Variants in FARS2 observed in about 807,000 individuals in gnomAD.
The protein encoded by FARS2 is phenylalanyl-tRNA synthetase 2, mitochondrial, also known as phenylalanine--tRNA ligase, mitochondrial.
Under a neutral mutation model 46.4 loss-of-function variants are expected in FARS2, and 40 were observed. That is an observed-to-expected ratio of 0.86 (90% confidence interval 0.67 to 1.12). The LOEUF is 1.12. FARS2 is among the 50% of genes most tolerant of loss of function. The probability of loss-of-function intolerance (pLI) is 0.00; values close to 1 mark genes in which losing one functional copy is unlikely to be tolerated. For missense variants in FARS2, 513 were observed against 567.9 expected (o/e 0.90, Z 0.98); for synonymous variants, 234 against 214.9 (o/e 1.09, Z -0.78).
chr6:5,616,250 C>T (rs1405819229), intron 6 of FARS2, among the ~76,000 whole-genome samples: 1 of 152,112 alleles, frequency 6.6e-6, no homozygotes, highest in Non-Finnish European at 1.5e-5. Context: ...ATCCCTGATG[C>T]TGTGGAGTGC....
At chr6:5,746,124 G>T (rs1761620230) in intron 6 of FARS2, among the ~76,000 whole-genome samples, 1 of 152,042 alleles carries the variant, frequency 6.6e-6, no homozygotes. Flanking sequence ...AATTACTAAG[G>T]TAATCTATTT....
intron 4 of FARS2, among the ~76,000 whole-genome samples, chr6:5,540,254 A>G (rs1770539316): frequency 6.6e-6 from 1 of 152,162 alleles, no homozygotes; most frequent in East Asian, 1.9e-4. Flanking sequence ...TGTTTCTGAT[A>G]TTTCTATTTT....
At chr6:5,401,084 C>T (rs1472724200) in intron 2 of FARS2, among the ~76,000 whole-genome samples, 1 of 151,622 alleles carries the variant, frequency 6.6e-6, no homozygotes, top group East Asian at 1.9e-4. Context: ...TTGAGTCATG[C>T]TTTGTGGCCA....
At chr6:5,367,442 G>A (rs1464979288) in intron 1 of FARS2, among the ~76,000 whole-genome samples, 1 of 152,116 alleles carries the variant, frequency 6.6e-6, no homozygotes, top group East Asian at 1.9e-4. Flanking sequence ...ATCCCTGAGT[G>A]AGTTTAAAAC....
At chr6:5,610,733 A>C (rs774881482) in intron 5 of FARS2, among the ~76,000 whole-genome samples, 18 of 152,220 alleles carry the variant, frequency 1.2e-4, no homozygotes, top group Non-Finnish European at 2.5e-4. Flanking sequence ...ATAATATTGT[A>C]CGTAATCGAA....
chr6:5,412,884 C>T (rs1762016018), intron 3 of FARS2, among the ~76,000 whole-genome samples: 2 of 152,138 alleles, frequency 1.3e-5, no homozygotes, highest in Non-Finnish European at 2.9e-5. Context: ...CTGTACTCGC[C>T]TCGCCGTAGC....
At chr6:5,682,651 G>C (rs1157989733) in intron 6 of FARS2, among the ~76,000 whole-genome samples, 1 of 152,240 alleles carries the variant, frequency 6.6e-6, no homozygotes, top group Non-Finnish European at 1.5e-5. Context: ...GCACTCAATA[G>C]GTACGGAGCC....
At chr6:5,391,315 G>C (rs575315551) in intron 2 of FARS2, among the ~76,000 whole-genome samples, 6 of 152,238 alleles carry the variant, frequency 3.9e-5, no homozygotes, top group South Asian at 2.1e-4. Context: ...TAAGCCTCAG[G>C]GTTCTTAGTT....
intron 4 of FARS2, among the ~76,000 whole-genome samples, chr6:5,540,150 G>T (rs192668971): frequency 6.6e-6 from 1 of 152,288 alleles, no homozygotes; most frequent in Admixed American, 6.5e-5. Context: ...CAGCTCCCTG[G>T]CTCAGCTGGG....
At position 5,711,753 on chromosome 6, in the gene FARS2, C is replaced by T. The variant is rs115426323; in HGVS notation, c.1218-59538C>T. On this transcript the variant is annotated intron_variant, in intron 6 of 6. Coordinates refer to ENST00000274680, the MANE Select transcript of FARS2 (RefSeq NM_006567.5). ...GGGAAGTCTGAGAAGGTGTCACAGC[C>T]AAGAGAGCCTGAGGAGGCATGACAA... is the stretch of plus-strand genomic sequence containing the variant. 3.8e-3 allele frequency among the ~76,000 whole-genome samples: 585 copies of T among 152,306 alleles called. 5 individuals carry two copies. Among genetic ancestry groups the T allele is most frequent in the African/African-American group, 0.013 (540 of 41,556 alleles).
chr6:5,741,394 A>G (rs1326136353), intron 6 of FARS2, among the ~76,000 whole-genome samples: 2 of 152,082 alleles, frequency 1.3e-5, no homozygotes, highest in African/African-American at 4.8e-5. Flanking sequence ...CTGCCCTTCT[A>G]TATGTTCTTC....
chr6:5,260,718 G>T, upstream of FARS2: 1 of 1,551,440 alleles, frequency 6.4e-7, no homozygotes, highest in South Asian at 1.2e-5. Flanking sequence ...ACTTGTGCGC[G>T]ACTGGAGGCT....
chr6:5,423,446 C>A (rs1200233186), intron 3 of FARS2, among the ~76,000 whole-genome samples: 1 of 151,908 alleles, frequency 6.6e-6, no homozygotes, highest in Non-Finnish European at 1.5e-5. Flanking sequence ...GTAGAGGAGT[C>A]CCAGGGGAAC....
At chr6:5,302,189 A>G (rs1768365521) in intron 1 of FARS2, among the ~76,000 whole-genome samples, 2 of 152,312 alleles carry the variant, frequency 1.3e-5, no homozygotes, top group South Asian at 2.1e-4. Flanking sequence ...CTCAGGCGCC[A>G]TCCAAACCTG....
At chr6:5,648,364 A>C (rs1777179570) in intron 6 of FARS2, among the ~76,000 whole-genome samples, 1 of 152,208 alleles carries the variant, frequency 6.6e-6, no homozygotes, top group African/African-American at 2.4e-5. Flanking sequence ...GGGTCCCCCC[A>C]GATCTCCATG....
intron 4 of FARS2, among the ~76,000 whole-genome samples, chr6:5,489,984 C>T (rs921308945): frequency 1.3e-5 from 2 of 152,124 alleles, no homozygotes; most frequent in Non-Finnish European, 2.9e-5. Context: ...TATAGAGTCG[C>T]GTAGGCACAA....
chr6:5,654,763 A>G (rs768741913), intron 6 of FARS2, among the ~76,000 whole-genome samples: 6 of 151,968 alleles, frequency 3.9e-5, no homozygotes, highest in Non-Finnish European at 7.4e-5. Flanking sequence ...AACAAGTTTG[A>G]ACTTCACCGG....
At chr6:5,734,331 A>C (rs968664973) in intron 6 of FARS2, among the ~76,000 whole-genome samples, 1 of 152,220 alleles carries the variant, frequency 6.6e-6, no homozygotes, top group African/African-American at 2.4e-5. Context: ...CTCTTGTCCC[A>C]TAGGAAAGAG....
intron 6 of FARS2, among the ~76,000 whole-genome samples, chr6:5,663,888 G>A (rs1384573740): frequency 1.3e-5 from 2 of 152,198 alleles, no homozygotes; most frequent in Non-Finnish European, 2.9e-5. Context: ...GTGCGCACCT[G>A]GGCTGCACTG....
Sources: allele counts gnomAD v4.1 joint callset (sites outside exome capture counted in the v4.1 genomes callset), GRCh38; gene constraint gnomAD v4.1.1; transcripts MANE v1.5; gene names NCBI Gene and HGNC (gene_info 2026-07-23, HGNC 2026-07-21).